The following ASB15 variants were observed in gnomAD, a reference collection of about 807,000 sequenced individuals.
ASB15 encodes ankyrin repeat and SOCS box protein 15.
In ASB15, 54 loss-of-function variants were observed where a neutral mutation model predicts 58.0. The observed-to-expected ratio is 0.93, with a 90% CI of 0.75 to 1.17. ASB15 has a LOEUF of 1.17. Ranked by LOEUF, ASB15 falls within the 50% of genes most tolerant of loss-of-function variation. The pLI, the probability that ASB15 is intolerant of heterozygous loss-of-function variation, is 0.00. For missense variants in ASB15, 680 were observed against 707.4 expected, an observed-to-expected ratio of 0.96 and a Z score of 0.44; for synonymous variants, 249 against 262.4, an observed-to-expected ratio of 0.95 and a Z score of 0.50.
upstream of ASB15, among the ~76,000 whole-genome samples, chr7:123,600,994 GA>G (rs1445231421): frequency 1.3e-5 from 2 of 152,124 alleles, no homozygotes; most frequent in African/African-American, 4.8e-5. Flanking sequence ...TATAAAATAT[GA>G]AATGAGTTTC....
chr7:123,614,748 C>T, intron 4 of ASB15, 139 bp downstream of exon 4: 1 of 674,454 alleles, frequency 1.5e-6, no homozygotes, highest in Non-Finnish European at 2.6e-6. Context: ...AACAGCTTTC[C>T]AAGGGCCACT....
chr7:123,577,639 A>G (rs1012575179), intron 1 of ASB15, among the ~76,000 whole-genome samples: 3 of 152,174 alleles, frequency 2.0e-5, no homozygotes, highest in African/African-American at 7.2e-5. Context: ...TTGATCAAAA[A>G]TGGTAATAAA....
chr7:123,575,060 C>CTTT (rs34567714), intron 1 of ASB15, among the ~76,000 whole-genome samples: 2,356 of 133,640 alleles, frequency 0.018, 79 homozygotes, highest in African/African-American at 0.058. Flanking sequence ...GGTATGTTTC[C>CTTT]TTTTTTTTTT....
intron 1 of ASB15, among the ~76,000 whole-genome samples, chr7:123,602,532 GATTT>G (rs1445496448): frequency 7.2e-5 from 11 of 152,164 alleles, no homozygotes; most frequent in African/African-American, 2.7e-4. Context: ...TATCTAAAAT[GATTT>G]GACTTCCACG....
Position 123,616,265 on chromosome 7 carries a change from T to A in ASB15, c.152T>A (p.Ile51Lys). ...SAQNRKLVEA[I>K]KQGHIPELQE... ...CAAAACAGAAAACTTGTGGAGGCCA[T>A]AAAACAAGGTAAATGGGTGTACTAT... The change falls in exon 5 of 12, where the codon ATA becomes AAA. Residue 51 changes from isoleucine (I) to lysine (K), a missense_variant. Physicochemically the swap from Ile to Lys is moderately radical, Grantham distance 102. Transcript: ENST00000451215. The A allele has an allele frequency of 6.2e-7, 1 of 1,610,332 alleles. No individual in the cohort carries two copies. Among genetic ancestry groups the A allele is most frequent in the Non-Finnish European group, 8.5e-7 (1 of 1,176,674 alleles).
chr7:123,588,744 A>C (rs1429143914), intron 1 of ASB15, among the ~76,000 whole-genome samples: 1 of 151,236 alleles, frequency 6.6e-6, no homozygotes, highest in Non-Finnish European at 1.5e-5. Context: ...CTTTTGCTAC[A>C]TCTTGCGAGT....
intron 1 of ASB15, among the ~76,000 whole-genome samples, chr7:123,595,105 G>A (rs12537618): frequency 0.29 from 44,773 of 152,116 alleles, 6,740 homozygotes; most frequent in East Asian, 0.4. Flanking sequence ...CGTGGAACTC[G>A]CTGAGCCAGG....
rs550375531 is a variant in ASB15 at position 123,601,869 on chromosome 7, G to A, written c.-290G>A. 10 of 152,096 alleles carry A rather than the reference G, an allele frequency of 6.6e-5. No individual in the cohort carries two copies. The highest frequency in any genetic ancestry group is 1.3e-4 in the Non-Finnish European group (9 of 68,020). 9.4% of individuals were successfully genotyped at this position (152,096 alleles called of 1,614,324 possible). ...CTCCAGGGCACTTCCTCTGATTTAG[G>A]AAGGCAAGTCCCTGGATAAGAATGA... On this transcript the variant is annotated 5_prime_UTR_variant, in exon 1 of 12. Coordinates refer to ENST00000451215, the MANE Select transcript of ASB15 (RefSeq NM_001290258.2).
chr7:123,620,656 G>A (rs1205395960), intron 7 of ASB15, among the ~76,000 whole-genome samples: 2 of 134,274 alleles, frequency 1.5e-5, no homozygotes, highest in Non-Finnish European at 3.1e-5. Flanking sequence ...TCTGCCTCCC[G>A]GGTTCACACC....
chr7:123,627,223 G>T lies in ASB15; in HGVS notation c.811G>T (p.Val271Leu). Residue 271 changes from valine to leucine, a missense_variant, in exon 9 of 12, where the codon GTA (valine) becomes TTA (leucine). Val to Leu is a conservative substitution (Grantham distance 32). Coordinates refer to ENST00000451215, the MANE Select transcript of ASB15 (RefSeq NM_001290258.2). ...LLLEYGGSGN[V>L]PNRAGHLPIH... ...GCTGGAATATGGAGGAAGCGGAAATGTACCTAACCGAGCAGGACATCTTCC... is the reference window on the plus strand; with the variant it reads ...GCTGGAATATGGAGGAAGCGGAAATTTACCTAACCGAGCAGGACATCTTCC... 6.2e-7 allele frequency: 1 copy of T among 1,614,026 alleles called. No individual in the cohort carries two copies. The highest frequency in any genetic ancestry group is 8.5e-7 in the Non-Finnish European group (1 of 1,179,956).
chr7:123,624,346 C>T lies in ASB15; in HGVS notation c.452-223C>T, dbSNP rs74302577. Among the ~76,000 whole-genome samples, 39 of 152,274 alleles carry T rather than the reference C, an allele frequency of 2.6e-4. No homozygotes were observed. The East Asian group carries it at 6.4e-3, about 25-fold the overall frequency. ...TTTCTGTGAAACTCTTACCCCTCCT[C>T]CAGGTCTTAAAGAAAAGGTAGTGTC... On this transcript the variant is annotated intron_variant, in intron 7 of 11. Coordinates refer to ENST00000451215, the MANE Select transcript of ASB15 (RefSeq NM_001290258.2).
intron 4 of ASB15, chr7:123,615,403 T>G (rs575186306): frequency 1.1e-3 from 174 of 152,312 alleles, no homozygotes; most frequent in African/African-American, 4.0e-3. Context: ...CTTTTGAGCT[T>G]TGAAAAAATA....
At chr7:123,593,682 C>G (rs1013877938) in intron 1 of ASB15, among the ~76,000 whole-genome samples, 1 of 152,170 alleles carries the variant, frequency 6.6e-6, no homozygotes, top group Non-Finnish European at 1.5e-5. Flanking sequence ...TGTGGGTAAC[C>G]TGACCTTTCT....
chr7:123,592,333 G>T (rs543429443), intron 1 of ASB15, among the ~76,000 whole-genome samples: 1 of 152,174 alleles, frequency 6.6e-6, no homozygotes, highest in South Asian at 2.1e-4. Flanking sequence ...GCTAGCTTTT[G>T]AATTTGTTTC....
intron 1 of ASB15, among the ~76,000 whole-genome samples, chr7:123,585,626 A>T (rs1799355322): frequency 6.9e-6 from 1 of 145,008 alleles, no homozygotes; most frequent in South Asian, 2.2e-4. Context: ...CACCTTACAT[A>T]GTTACTATTT....
intron 11 of ASB15, among the ~76,000 whole-genome samples, chr7:123,632,715 A>G (rs541872427): frequency 6.6e-6 from 1 of 152,348 alleles, no homozygotes; most frequent in African/African-American, 2.4e-5. Context: ...TGAATAGTCA[A>G]TATATGGATA....
At chr7:123,624,958 A>G (rs1801677364) in intron 8 of ASB15, 144 bp downstream of exon 8, 1 of 1,007,048 alleles carries the variant, frequency 9.9e-7, no homozygotes, top group South Asian at 1.7e-5. Context: ...AGGTTTTCCC[A>G]CCTGGTCCCT....
At chr7:123,635,546 G>A (rs1389402484) in intron 11 of ASB15, among the ~76,000 whole-genome samples, 1 of 137,660 alleles carries the variant, frequency 7.3e-6, no homozygotes, top group East Asian at 2.3e-4. Context: ...TCCTGTCATA[G>A]AAAGAATAGA....
chr7:123,639,267 C>T lies in ASB15; in HGVS notation c.*2286C>T, dbSNP rs947719207. 6.6e-6 allele frequency: 1 copy of T among 152,002 alleles called. No homozygotes were observed. Among genetic ancestry groups the T allele is most frequent in the Non-Finnish European group, 1.5e-5 (1 of 67,994 alleles). The allele number at this position is 152,002 out of a possible 1,614,324, so 9.4% of individuals were successfully genotyped here. A position where few individuals can be genotyped will look rare whatever the true frequency, so the allele number is the denominator to read the frequency against. ...GGCTATAATTTTAACTTCTTGTATT[C>T]CCTAGAGGATATATTTTATATGTAA... On this transcript the variant is annotated 3_prime_UTR_variant, in exon 12 of 12. Transcript: ENST00000451215.
Sources: gnomAD v4.1 joint callset for allele counts (sites outside exome capture counted in the v4.1 genomes callset) on GRCh38, gnomAD v4.1.1 for gene constraint, MANE v1.5 for transcripts, NCBI Gene and HGNC (gene_info 2026-07-23, HGNC 2026-07-21) for gene names.